Variants in KSR2 observed in about 807,000 individuals in gnomAD.
The protein encoded by KSR2 is kinase suppressor of ras 2.
In KSR2, 25 loss-of-function variants were observed where a neutral mutation model predicts 107.8. That is an observed-to-expected ratio of 0.23 (90% CI 0.17 to 0.32). KSR2 has a LOEUF of 0.32. KSR2 is among the 10% of genes least tolerant of loss of function. The pLI is 1.00. For missense variants in KSR2, 887 were observed against 1,268.9 expected (o/e 0.70, Z 4.57); for synonymous variants, 480 against 507.0 (o/e 0.95, Z 0.71).
chr12:117,849,726 C>CAG (rs1892847015), intron 3 of KSR2, among the ~76,000 whole-genome samples: 1 of 152,144 alleles, frequency 6.6e-6, no homozygotes, highest in African/African-American at 2.4e-5. Context: ...GACAGACAGA[C>CAG]ACAGAGACAG....
At chr12:117,699,346 A>G (rs1886206559) in intron 4 of KSR2, among the ~76,000 whole-genome samples, 1 of 152,224 alleles carries the variant, frequency 6.6e-6, no homozygotes, top group South Asian at 2.1e-4. Flanking sequence ...CAGCAGCCCA[A>G]TAAAGTACTC....
Position 117,586,661 on chromosome 12 carries a change from A to AAAGAAAGAAAGAAAGAAAG in KSR2, c.1172-4303_1172-4302insCTTTCTTTCTTTCTTTCTT, listed in dbSNP as rs1565913670. ...AGAAAGAAAGAAAGAAAGAAAGAAA[A>AAAGAAAGAAAGAAAGAAAG]ATATAGTAAATCTGCTGTCTGCTGT... On this transcript the variant is annotated intron_variant, in intron 5 of 19. Transcript: ENST00000339824. Among the ~76,000 whole-genome samples the AAAGAAAGAAAGAAAGAAAG allele has an allele frequency of 1.2e-4, 8 of 67,016 alleles. No homozygotes were observed. The East Asian group carries it at 1.6e-3, about 14-fold the overall frequency. The allele number at this position is 67,016 out of a possible 152,430, so 44.0% of individuals were successfully genotyped here. A position where few individuals can be genotyped will look rare whatever the true frequency, so the allele number is the denominator to read the frequency against.
At chr12:117,866,030 ATCTC>A (rs1217338445) in intron 1 of KSR2, among the ~76,000 whole-genome samples, 1 of 128,028 alleles carries the variant, frequency 7.8e-6, no homozygotes, top group Non-Finnish European at 1.6e-5. Context: ...ACACTTGCTA[ATCTC>A]TCTCTTTTTT....
chr12:117,928,720 T>C (rs995729723), intron 1 of KSR2, among the ~76,000 whole-genome samples: 6 of 152,232 alleles, frequency 3.9e-5, no homozygotes, highest in Admixed American at 2.6e-4. Flanking sequence ...CAATTCTACA[T>C]TTAATTTTTT....
At chr12:117,659,136 G>C (rs1421090668) in intron 5 of KSR2, among the ~76,000 whole-genome samples, 1 of 152,134 alleles carries the variant, frequency 6.6e-6, no homozygotes, top group Non-Finnish European at 1.5e-5. Flanking sequence ...GGGGGAATGG[G>C]ATTGCCCACT....
intron 4 of KSR2, among the ~76,000 whole-genome samples, chr12:117,670,943 A>C (rs1332554627): frequency 2.6e-5 from 4 of 152,152 alleles, no homozygotes; most frequent in South Asian, 4.1e-4. Flanking sequence ...TCCTACCCAC[A>C]GAGTCGGGGT....
intron 1 of KSR2, among the ~76,000 whole-genome samples, chr12:117,954,578 T>C (rs1235129834): frequency 6.6e-6 from 1 of 152,206 alleles, no homozygotes; most frequent in Non-Finnish European, 1.5e-5. Context: ...TAACATTTAC[T>C]GAATAAATGA....
intron 4 of KSR2, among the ~76,000 whole-genome samples, chr12:117,756,553 C>T (rs933487323): frequency 5.3e-5 from 8 of 152,310 alleles, no homozygotes; most frequent in Admixed American, 4.6e-4. Context: ...TATTGCTCAT[C>T]GACAATGCAT....
chr12:117,466,812 G>A lies in KSR2; in HGVS notation c.*387C>T, dbSNP rs981248268. On this transcript the variant is annotated 3_prime_UTR_variant, in exon 20 of 20. Coordinates refer to ENST00000339824, the MANE Select transcript of KSR2 (RefSeq NM_173598.6). ...TCAAGGGGAAACAAGAGTGAACAAC[G>A]TCAAACACACAGACACACACACACA... The A allele has an allele frequency of 9.7e-6, 2 of 206,656 alleles. No homozygotes were observed. Among genetic ancestry groups the A allele is most frequent in the African/African-American group, 4.6e-5 (2 of 43,612 alleles). 12.8% of individuals were successfully genotyped at this position (206,656 alleles called of 1,614,324 possible). A position where few individuals can be genotyped will look rare whatever the true frequency, so the allele number is the denominator to read the frequency against.
intron 4 of KSR2, among the ~76,000 whole-genome samples, chr12:117,702,811 T>A (rs1886378852): frequency 6.6e-6 from 1 of 152,248 alleles, no homozygotes; most frequent in East Asian, 1.9e-4. Flanking sequence ...CAGTGCACCG[T>A]GGCCCTTTTG....
intron 1 of KSR2, among the ~76,000 whole-genome samples, chr12:117,905,759 G>A (rs1296445700): frequency 6.6e-6 from 1 of 151,820 alleles, no homozygotes; most frequent in Non-Finnish European, 1.5e-5. Flanking sequence ...ACTGGTCCGT[G>A]ATACAAGGAA....
At chr12:117,862,103 C>A (rs1443496072) in intron 1 of KSR2, among the ~76,000 whole-genome samples, 1 of 151,134 alleles carries the variant, frequency 6.6e-6, no homozygotes, top group African/African-American at 2.4e-5. Flanking sequence ...GTTCCGTTGC[C>A]CAGGCTGGAG....
At chr12:117,773,087 G>A (rs1324548589) in intron 3 of KSR2, among the ~76,000 whole-genome samples, 2 of 152,192 alleles carry the variant, frequency 1.3e-5, no homozygotes, top group Non-Finnish European at 2.9e-5. Flanking sequence ...GCGTTTCACT[G>A]ATGAGCTGTA....
chr12:117,686,278 C>CTGGTCT (rs1885572953), intron 4 of KSR2, among the ~76,000 whole-genome samples: 1 of 127,114 alleles, frequency 7.9e-6, no homozygotes, highest in African/African-American at 3.1e-5. Flanking sequence ...GTTGCCTAGG[C>CTGGTCT]TGGTCTTGAA....
chr12:117,596,974 A>AT (rs1880685932), intron 5 of KSR2, among the ~76,000 whole-genome samples: 1 of 152,094 alleles, frequency 6.6e-6, no homozygotes, highest in African/African-American at 2.4e-5. Context: ...TGGAATGGTG[A>AT]TTTTAGCCTC....
At chr12:117,615,254 C>T (rs1881811114) in intron 5 of KSR2, among the ~76,000 whole-genome samples, 1 of 132,016 alleles carries the variant, frequency 7.6e-6, no homozygotes, top group Admixed American at 7.6e-5. Flanking sequence ...CACACACACA[C>T]ACATCAGATT....
chr12:117,471,141 T>C (rs1871428454), intron 18 of KSR2, 50 bp downstream of exon 18: 7 of 1,603,352 alleles, frequency 4.4e-6, no homozygotes, highest in Non-Finnish European at 6.0e-6. Flanking sequence ...CCCATGACTG[T>C]GTCTGTGTCT....
intron 18 of KSR2, among the ~76,000 whole-genome samples, chr12:117,470,222 ATC>A (rs1389131795): frequency 6.7e-4 from 89 of 133,476 alleles, no homozygotes; most frequent in African/African-American, 2.6e-3. Context: ...CCATCCATCC[ATC>A]CATCCGGCAT....
intron 5 of KSR2, among the ~76,000 whole-genome samples, chr12:117,640,965 A>G (rs1012380160): frequency 5.9e-5 from 9 of 152,178 alleles, no homozygotes; most frequent in African/African-American, 1.7e-4. Context: ...TGCTGAGTCA[A>G]GGCTGAAGAC....
Sources: gnomAD v4.1 joint callset for allele counts (sites outside exome capture counted in the v4.1 genomes callset) on GRCh38, gnomAD v4.1.1 for gene constraint, MANE v1.5 for transcripts, NCBI Gene and HGNC (gene_info 2026-07-23, HGNC 2026-07-21) for gene names.